AGBL4: variants seen among roughly 807,000 people sequenced by gnomAD.
AGBL4 encodes the protein AGBL carboxypeptidase 4, also known as cytosolic carboxypeptidase 6.
Under a neutral mutation model 66.4 loss-of-function variants are expected in AGBL4, and 58 were observed. That is an observed-to-expected ratio of 0.87 (90% CI 0.71 to 1.09). The LOEUF (loss-of-function observed/expected upper bound fraction) is 1.09. Ranked by LOEUF, AGBL4 falls within the 50% of genes least tolerant of loss-of-function variation. AGBL4 has a pLI of 0.00. For missense variants in AGBL4, 579 were observed against 631.0 expected, an observed-to-expected ratio of 0.92 and a Z score of 0.88; for synonymous variants, 234 against 222.9, an observed-to-expected ratio of 1.05 and a Z score of -0.44.
At chr1:49,702,371 G>C (rs1647113151) in intron 2 of AGBL4, among the ~76,000 whole-genome samples, 1 of 151,854 alleles carries the variant, frequency 6.6e-6, no homozygotes, top group South Asian at 2.1e-4. Flanking sequence ...CATGCCTGTA[G>C]TCCCAGCTAC....
At chr1:49,256,713 C>T (rs1025745193) in intron 3 of AGBL4, among the ~76,000 whole-genome samples, 1 of 152,122 alleles carries the variant, frequency 6.6e-6, no homozygotes, top group African/African-American at 2.4e-5. Context: ...AAAGCAGCAA[C>T]AGAGTTTTAG....
intron 3 of AGBL4, among the ~76,000 whole-genome samples, chr1:49,378,266 T>C (rs1358109015): frequency 1.3e-5 from 2 of 152,130 alleles, no homozygotes; most frequent in Non-Finnish European, 2.9e-5. Flanking sequence ...TACAGGATTT[T>C]ATGTTTCACA....
At chr1:49,470,414 A>G (rs1014627255) in intron 3 of AGBL4, among the ~76,000 whole-genome samples, 3 of 151,958 alleles carry the variant, frequency 2.0e-5, no homozygotes, top group African/African-American at 7.2e-5. Context: ...CCGTTTCTCT[A>G]TATCTTTGAC....
At chr1:48,803,402 C>T (rs184889869) in intron 6 of AGBL4, among the ~76,000 whole-genome samples, 7 of 152,340 alleles carry the variant, frequency 4.6e-5, no homozygotes, top group Non-Finnish European at 8.8e-5. Flanking sequence ...TTCTGCCCTT[C>T]CTCTACTGCT....
At chr1:49,417,912 T>A (rs538941302) in intron 3 of AGBL4, among the ~76,000 whole-genome samples, 2 of 152,266 alleles carry the variant, frequency 1.3e-5, no homozygotes, top group East Asian at 3.9e-4. Flanking sequence ...TCTAAATGGA[T>A]CCTCTGTATA....
chr1:49,519,498 AAC>A (rs1650085812), intron 3 of AGBL4, among the ~76,000 whole-genome samples: 1 of 152,128 alleles, frequency 6.6e-6, no homozygotes, highest in African/African-American at 2.4e-5. Flanking sequence ...TGAAAAATAA[AAC>A]AGAGGCCAAA....
At chr1:49,672,921 C>CAAAAAAAAAAAAAAA (rs60612868) in intron 3 of AGBL4, among the ~76,000 whole-genome samples, 5 of 47,058 alleles carry the variant, frequency 1.1e-4, no homozygotes, top group Admixed American at 2.3e-4. Flanking sequence ...AACTCCATCT[C>CAAAAAAAAAAAAAAA]AAAAAAAAAA....
chr1:49,411,832 AG>A (rs1645321739), intron 3 of AGBL4, among the ~76,000 whole-genome samples: 1 of 152,182 alleles, frequency 6.6e-6, no homozygotes, highest in Non-Finnish European at 1.5e-5. Context: ...GGCAGACTAG[AG>A]GGGAACACAT....
At chr1:49,034,443 T>C (rs752385509) in intron 5 of AGBL4, among the ~76,000 whole-genome samples, 2 of 152,096 alleles carry the variant, frequency 1.3e-5, no homozygotes, top group Non-Finnish European at 2.9e-5. Flanking sequence ...TCCAGTAATA[T>C]GCCTAGGTCT....
chr1:49,972,661 A>G (rs998984943), intron 1 of AGBL4, among the ~76,000 whole-genome samples: 1 of 152,190 alleles, frequency 6.6e-6, no homozygotes, highest in Non-Finnish European at 1.5e-5. Flanking sequence ...AGAAAGAGAC[A>G]ACACTCATAT....
chr1:49,163,188 A>T (rs1433480374), intron 4 of AGBL4, among the ~76,000 whole-genome samples: 1 of 152,204 alleles, frequency 6.6e-6, no homozygotes, highest in Non-Finnish European at 1.5e-5. Context: ...ACTCTTTCAC[A>T]CATTCATTCC....
chr1:49,066,307 A>G (rs1460084293), intron 4 of AGBL4, among the ~76,000 whole-genome samples: 1 of 152,192 alleles, frequency 6.6e-6, no homozygotes, highest in African/African-American at 2.4e-5. Flanking sequence ...TAATCCCAGT[A>G]CTTTGGGAGG....
chr1:48,893,894 C>T (rs1651247187), intron 5 of AGBL4, among the ~76,000 whole-genome samples: 1 of 152,018 alleles, frequency 6.6e-6, no homozygotes, highest in Admixed American at 6.6e-5. Context: ...CTACAAGCCA[C>T]CCAGTTTATG....
At chr1:49,772,071 T>C (rs1644076951) in intron 2 of AGBL4, among the ~76,000 whole-genome samples, 1 of 152,130 alleles carries the variant, frequency 6.6e-6, no homozygotes, top group African/African-American at 2.4e-5. Flanking sequence ...TCTCTAGTTA[T>C]TTACTTTTGT....
intron 4 of AGBL4, among the ~76,000 whole-genome samples, chr1:49,230,200 G>T (rs923261044): frequency 6.6e-6 from 1 of 152,140 alleles, no homozygotes. Context: ...TGTGCCTCCA[G>T]GCAGATCATT....
At chr1:50,012,165 C>CAAA (rs34501869) in intron 1 of AGBL4, among the ~76,000 whole-genome samples, 20 of 47,608 alleles carry the variant, frequency 4.2e-4, no homozygotes, top group South Asian at 7.0e-4. Flanking sequence ...GACTCCGTCT[C>CAAA]AAAAAAAAAA....
At chr1:49,229,030 T>C (rs1228803340) in intron 4 of AGBL4, among the ~76,000 whole-genome samples, 2 of 152,176 alleles carry the variant, frequency 1.3e-5, no homozygotes, top group Non-Finnish European at 1.5e-5. Flanking sequence ...AAACACACCA[T>C]GCTGTCTCAT....
chr1:49,563,233 A>C (rs1334870907), intron 3 of AGBL4, among the ~76,000 whole-genome samples: 1 of 149,584 alleles, frequency 6.7e-6, no homozygotes, highest in Non-Finnish European at 1.5e-5. Flanking sequence ...GTTTCTAGAT[A>C]TACAATCATG....
At chr1:49,644,799 A>G (rs1388739551) in intron 3 of AGBL4, among the ~76,000 whole-genome samples, 1 of 151,542 alleles carries the variant, frequency 6.6e-6, no homozygotes, top group African/African-American at 2.4e-5. Flanking sequence ...ACTTGACTCA[A>G]AAACAGTAGG....
Sources: allele counts gnomAD v4.1 joint callset (sites outside exome capture counted in the v4.1 genomes callset), GRCh38; gene constraint gnomAD v4.1.1; transcripts MANE v1.5; gene names NCBI Gene and HGNC (gene_info 2026-07-23, HGNC 2026-07-21).